Variants in NCKAP5 observed in about 807,000 individuals in gnomAD.
NCKAP5 encodes the protein nck-associated protein 5.
NCKAP5 carries 92 observed loss-of-function variants against 167.0 expected under a neutral mutation model. The observed-to-expected ratio is 0.55, with a 90% CI of 0.47 to 0.66. The LOEUF (loss-of-function observed/expected upper bound fraction) is 0.66, where lower values mean the gene tolerates loss of function less well. NCKAP5 is among the 30% of genes least tolerant of loss of function. The pLI, the probability that NCKAP5 is intolerant of heterozygous loss-of-function variation, is 0.00. For missense variants in NCKAP5, 2,378 were observed against 2,315.0 expected, an observed-to-expected ratio of 1.03 and a Z score of -0.56; for synonymous variants, 891 against 877.4, an observed-to-expected ratio of 1.02 and a Z score of -0.27.
intron 6 of NCKAP5, among the ~76,000 whole-genome samples, chr2:133,033,254 C>T (rs906302395): frequency 2.0e-5 from 3 of 152,266 alleles, no homozygotes; most frequent in East Asian, 3.9e-4. Context: ...TTAATTAAGA[C>T]CATCAAGGTG....
At chr2:133,591,268 T>C in the NCKAP5 span, among the ~76,000 whole-genome samples, 1 of 152,344 alleles carries the variant, frequency 6.6e-6, no homozygotes, top group African/African-American at 2.4e-5. Flanking sequence ...TGAGCTGAAG[T>C]TGGGCCCATA....
intron 5 of NCKAP5, among the ~76,000 whole-genome samples, chr2:133,189,041 G>A (rs751544770): frequency 4.7e-4 from 71 of 152,116 alleles, no homozygotes; most frequent in Non-Finnish European, 8.7e-4. Flanking sequence ...CTACTAGCAA[G>A]ACTAATAAAG....
chr2:133,258,935 AC>A (rs2088768790), intron 4 of NCKAP5, among the ~76,000 whole-genome samples: 1 of 152,092 alleles, frequency 6.6e-6, no homozygotes, highest in Admixed American at 6.5e-5. Context: ...ACAATATCCA[AC>A]AGAACTAGCC....
chr2:133,559,270 C>T (rs1687988415), intron 1 of NCKAP5, among the ~76,000 whole-genome samples, 153 bp from the exon 2 acceptor site: 1 of 151,916 alleles, frequency 6.6e-6, no homozygotes, highest in South Asian at 2.1e-4. Flanking sequence ...TTATATGAGA[C>T]AATATGAATA....
intron 7 of NCKAP5, among the ~76,000 whole-genome samples, chr2:132,974,563 C>A (rs1372207989): frequency 6.6e-6 from 1 of 152,124 alleles, no homozygotes; most frequent in East Asian, 1.9e-4. Context: ...GTGGCAGAGC[C>A]AGAATTTAAA....
chr2:133,487,127 C>T (rs947641835), intron 3 of NCKAP5, among the ~76,000 whole-genome samples: 3 of 152,124 alleles, frequency 2.0e-5, no homozygotes, highest in African/African-American at 4.8e-5. Context: ...TTCATACCCT[C>T]CCCAGCCACA....
At chr2:133,548,536 G>C (rs1289090338) in intron 2 of NCKAP5, among the ~76,000 whole-genome samples, 1 of 151,900 alleles carries the variant, frequency 6.6e-6, no homozygotes, top group Non-Finnish European at 1.5e-5. Context: ...TCTCTCGGCA[G>C]AAACCCTACA....
intron 3 of NCKAP5, among the ~76,000 whole-genome samples, chr2:133,311,971 C>G (rs2150617822): frequency 6.6e-6 from 1 of 152,302 alleles, no homozygotes; most frequent in South Asian, 2.1e-4. Context: ...GTGCGTTTTT[C>G]TAATCTTGCA....
intron 19 of NCKAP5, among the ~76,000 whole-genome samples, chr2:132,697,653 G>A (rs758925954): frequency 2.6e-5 from 4 of 151,392 alleles, no homozygotes; most frequent in Non-Finnish European, 4.4e-5. Flanking sequence ...GTATGTACAC[G>A]ATGACATTTT....
rs1308056656 is a variant in NCKAP5 at position 132,782,756 on chromosome 2, A to G, written c.4055T>C (p.Leu1352Pro). Residue 1352 changes from leucine to proline, a missense_variant, in exon 14 of 20, where the codon CTG becomes CCG. Coordinates refer to ENST00000409261, the MANE Select transcript of NCKAP5 (RefSeq NM_207363.3). ...ACTGCTGAAGCTGCCTGAGCTCCCC[A>G]GGGAGCCCTTCCCGGAGGAGGGGTG... ...SGHPSSGKGSLGSSGSFSSQH... is the reference protein window; with the variant it reads ...SGHPSSGKGSPGSSGSFSSQH... The G allele has an allele frequency of 2.5e-6, 4 of 1,613,928 alleles. No individual in the cohort carries two copies. The highest frequency in any genetic ancestry group is 8.5e-7 in the Non-Finnish European group (1 of 1,179,828).
At chr2:132,920,775 A>ATGTATGTATG (rs1558943316) in intron 8 of NCKAP5, among the ~76,000 whole-genome samples, 1 of 6,234 alleles carries the variant, frequency 1.6e-4, no homozygotes, top group African/African-American at 3.7e-4. Flanking sequence ...ATGTATGTAT[A>ATGTATGTATG]TATATATATA....
intron 4 of NCKAP5, among the ~76,000 whole-genome samples, chr2:133,295,978 T>C (rs184209598): frequency 6.6e-6 from 1 of 152,242 alleles, no homozygotes; most frequent in East Asian, 1.9e-4. Flanking sequence ...ATGCTAACAG[T>C]CCTTTCCTGA....
the NCKAP5 span, among the ~76,000 whole-genome samples, chr2:133,597,868 T>A: frequency 2.0e-5 from 3 of 152,056 alleles, no homozygotes; most frequent in Non-Finnish European, 4.4e-5. Context: ...TCCCAGCCTG[T>A]GCCCACTGCA....
At chr2:133,010,087 T>TA (rs1384520836) in intron 6 of NCKAP5, among the ~76,000 whole-genome samples, 6 of 148,090 alleles carry the variant, frequency 4.1e-5, no homozygotes, top group Non-Finnish European at 9.0e-5. Flanking sequence ...AAAAAATAAA[T>TA]AAATAAAAAA....
chr2:133,046,631 G>A (rs867873169), intron 6 of NCKAP5, among the ~76,000 whole-genome samples: 17 of 151,928 alleles, frequency 1.1e-4, no homozygotes, highest in Admixed American at 4.6e-4. Context: ...CTCTCACCTC[G>A]GCATCCCAAA....
intron 1 of NCKAP5, among the ~76,000 whole-genome samples, chr2:133,565,854 T>G (rs145522325): frequency 6.6e-6 from 1 of 152,372 alleles, no homozygotes; most frequent in Non-Finnish European, 1.5e-5. Context: ...TTTAATTCAT[T>G]CATTTATTTA....
At chr2:133,530,961 G>C (rs1685311790) in intron 2 of NCKAP5, among the ~76,000 whole-genome samples, 1 of 152,120 alleles carries the variant, frequency 6.6e-6, no homozygotes, top group South Asian at 2.1e-4. Flanking sequence ...AGTGATTCTA[G>C]GTGAGAACAA....
At position 133,308,079 on chromosome 2, in the gene NCKAP5, A is replaced by ATT. The variant is rs60111877; in HGVS notation, c.70-4971_70-4970dup. On this transcript the variant is annotated intron_variant, in intron 3 of 19. Coordinates refer to ENST00000409261, the MANE Select transcript of NCKAP5 (RefSeq NM_207363.3). ...ATATAGGGGAAGAAATTATTGTTCT[A>ATT]TTTTTTTTTTTTTTTTTTTTTTTTT... is the stretch of plus-strand genomic sequence containing the variant. 9.0e-3 allele frequency among the ~76,000 whole-genome samples: 801 copies of ATT among 89,400 alleles called. 60 individuals are homozygous for ATT. The highest frequency in any genetic ancestry group is 0.025 in the African/African-American group (560 of 22,014). 58.6% of individuals were successfully genotyped at this position (89,400 alleles called of 152,430 possible).
intron 8 of NCKAP5, among the ~76,000 whole-genome samples, chr2:132,935,980 C>CTT (rs200071013): frequency 7.1e-6 from 1 of 141,800 alleles, no homozygotes; most frequent in Non-Finnish European, 1.5e-5. Context: ...TATTTTTTTT[C>CTT]TTTTTTTTTT....
Sources: allele counts gnomAD v4.1 joint callset (sites outside exome capture counted in the v4.1 genomes callset), GRCh38; gene constraint gnomAD v4.1.1; transcripts MANE v1.5; gene names NCBI Gene and HGNC (gene_info 2026-07-23, HGNC 2026-07-21).